The following C8orf34 variants were observed in gnomAD, a reference collection of about 807,000 sequenced individuals.
C8orf34 encodes uncharacterized protein C8orf34.
Under a neutral mutation model 68.3 loss-of-function variants are expected in C8orf34, and 65 were observed. The observed-to-expected ratio is 0.95, with a 90% CI of 0.78 to 1.17. The LOEUF is 1.17. Among genes scored for constraint, C8orf34 ranks in the 50% most tolerant of loss-of-function variants. The probability of loss-of-function intolerance (pLI) is 0.00; values close to 1 mark genes in which losing one functional copy is unlikely to be tolerated. For missense variants in C8orf34, 664 were observed against 655.4 expected (o/e 1.01, Z -0.14); for synonymous variants, 244 against 241.2 (o/e 1.01, Z -0.11).
chr8:68,788,778 G>A (rs1355890282), intron 12 of C8orf34, among the ~76,000 whole-genome samples: 1 of 152,052 alleles, frequency 6.6e-6, no homozygotes, highest in South Asian at 2.1e-4. Context: ...AGAATTGCTT[G>A]AAACTGGGAG....
At chr8:68,766,161 A>C (rs1238790678) in intron 10 of C8orf34, among the ~76,000 whole-genome samples, 1 of 152,216 alleles carries the variant, frequency 6.6e-6, no homozygotes. Context: ...TTTTAAGTTA[A>C]GGAAATATGA....
At chr8:68,810,415 C>A (rs957318200) in intron 12 of C8orf34, among the ~76,000 whole-genome samples, 2 of 152,152 alleles carry the variant, frequency 1.3e-5, no homozygotes, top group African/African-American at 2.4e-5. Context: ...ATGCCAGGAA[C>A]CACAGAGCCC....
intron 10 of C8orf34, among the ~76,000 whole-genome samples, chr8:68,764,460 T>C (rs1187889713): frequency 1.3e-5 from 2 of 152,168 alleles, no homozygotes; most frequent in African/African-American, 4.8e-5. Flanking sequence ...TGGGCAGGTT[T>C]TCTAATAGTG....
chr8:68,803,797 G>A (rs1412819030), intron 12 of C8orf34, among the ~76,000 whole-genome samples: 2 of 152,120 alleles, frequency 1.3e-5, no homozygotes, highest in African/African-American at 4.8e-5. Flanking sequence ...TCTTAACTTA[G>A]ATGGTGATCA....
chr8:68,785,233 G>T (rs575051200), intron 11 of C8orf34, among the ~76,000 whole-genome samples: 73 of 151,940 alleles, frequency 4.8e-4, no homozygotes, highest in Non-Finnish European at 8.5e-4. Context: ...AATAAATAAA[G>T]AAATACATAT....
intron 7 of C8orf34, among the ~76,000 whole-genome samples, chr8:68,557,783 C>T (rs925059431): frequency 4.6e-5 from 7 of 152,174 alleles, no homozygotes; most frequent in Admixed American, 4.6e-4. Flanking sequence ...ACTTAACATT[C>T]ACTCTGTAAT....
intron 12 of C8orf34, among the ~76,000 whole-genome samples, chr8:68,794,506 T>TATATATATATATATATATATATACATA (rs58048066): frequency 1.7e-5 from 1 of 59,046 alleles, no homozygotes; most frequent in Non-Finnish European, 3.0e-5. Context: ...TATATATATA[T>TATATATATATATATATATATATACATA]TTTTTTTTTT....
At chr8:68,449,567 A>G (rs113574026) in intron 3 of C8orf34, among the ~76,000 whole-genome samples, 3,223 of 152,016 alleles carry the variant, frequency 0.021, 50 homozygotes, top group Middle Eastern at 0.034. Flanking sequence ...ATATCACAAT[A>G]TCAGTCGCAC....
intron 1 of C8orf34, among the ~76,000 whole-genome samples, chr8:68,434,356 G>A (rs977708602): frequency 3.3e-5 from 5 of 152,132 alleles, no homozygotes; most frequent in African/African-American, 1.2e-4. Flanking sequence ...CTGTGTCCAT[G>A]TGTTCTCATT....
At chr8:68,758,051 T>A (rs1232365465) in intron 10 of C8orf34, among the ~76,000 whole-genome samples, 1 of 152,198 alleles carries the variant, frequency 6.6e-6, no homozygotes, top group Non-Finnish European at 1.5e-5. Context: ...TCAGCAAATA[T>A]TTACTGCGTG....
At chr8:68,784,170 G>T (rs770999231) in intron 11 of C8orf34, among the ~76,000 whole-genome samples, 1 of 152,034 alleles carries the variant, frequency 6.6e-6, no homozygotes, top group Non-Finnish European at 1.5e-5. Flanking sequence ...TCTTGGTTGT[G>T]ACCCTTTCTC....
At chr8:68,535,181 A>G in intron 7 of C8orf34, 6 of 984,422 alleles carry the variant, frequency 6.1e-6, no homozygotes, top group Non-Finnish European at 7.2e-6. Flanking sequence ...TGTCTATTTC[A>G]GAAAAATATA....
At chr8:68,360,784 GCT>G (rs60391391) in intron 1 of C8orf34, among the ~76,000 whole-genome samples, 81 of 127,428 alleles carry the variant, frequency 6.4e-4, no homozygotes, top group African/African-American at 2.5e-3. Context: ...CTTGAGCCTC[GCT>G]CTGTCACCCA....
chr8:68,715,111 A>G (rs1821433151), intron 9 of C8orf34, among the ~76,000 whole-genome samples: 1 of 152,214 alleles, frequency 6.6e-6, no homozygotes, highest in African/African-American at 2.4e-5. Context: ...CTCTCATCTT[A>G]TACAAAAATC....
intron 7 of C8orf34, among the ~76,000 whole-genome samples, chr8:68,547,415 C>T (rs1489556290): frequency 6.6e-6 from 1 of 151,674 alleles, no homozygotes; most frequent in African/African-American, 2.4e-5. Flanking sequence ...AGAAGACTTC[C>T]AGTTCACATG....
rs13261030 is a variant in C8orf34 at position 68,485,488 on chromosome 8, C to T, written c.737-2535C>T. Among the ~76,000 whole-genome samples the T allele has an allele frequency of 2.1e-3, 315 of 151,882 alleles. 1 individual carries two copies. Among genetic ancestry groups the T allele is most frequent in the Middle Eastern group, 3.4e-3 (1 of 294 alleles). ...CAGCACTTTGGGAGGCCCAGGCAGG[C>T]GGATCACGAGGTCAGGAGTTTGAGA... On this transcript the variant is annotated intron_variant, in intron 4 of 13. Coordinates refer to ENST00000518698, the MANE Select transcript of C8orf34 (RefSeq NM_052958.4).
At chr8:68,575,168 T>C (rs1446237313) in intron 7 of C8orf34, among the ~76,000 whole-genome samples, 2 of 152,078 alleles carry the variant, frequency 1.3e-5, no homozygotes, top group Non-Finnish European at 2.9e-5. Context: ...CACAAGGATG[T>C]CATAAGTTTA....
At chr8:68,585,548 A>G (rs1235300168) in intron 7 of C8orf34, among the ~76,000 whole-genome samples, 2 of 152,188 alleles carry the variant, frequency 1.3e-5, no homozygotes, top group East Asian at 1.9e-4. Context: ...TCTAAAGCCT[A>G]GTGGCTTAAA....
At chr8:68,574,279 G>A (rs1237087125) in intron 7 of C8orf34, among the ~76,000 whole-genome samples, 2 of 151,960 alleles carry the variant, frequency 1.3e-5, no homozygotes, top group Admixed American at 6.6e-5. Context: ...TAACTTTTGT[G>A]AGTATTATGA....
Sources: gnomAD v4.1 joint callset for allele counts (sites outside exome capture counted in the v4.1 genomes callset) on GRCh38, gnomAD v4.1.1 for gene constraint, MANE v1.5 for transcripts, NCBI Gene and HGNC (gene_info 2026-07-23, HGNC 2026-07-21) for gene names.